Variants in CDC42SE2 observed in about 807,000 individuals in gnomAD.
CDC42SE2 encodes CDC42 small effector protein 2.
A neutral mutation model predicts 11.5 loss-of-function variants in CDC42SE2; 3 were observed. The observed-to-expected ratio is 0.26, with a 90% CI of 0.12 to 0.67. CDC42SE2 has a LOEUF of 0.67. CDC42SE2 is among the 30% of genes least tolerant of loss of function. CDC42SE2 has a pLI of 0.80. For synonymous variants in CDC42SE2, 33 were observed against 34.8 expected (o/e 0.95, Z 0.18); for missense variants, 82 against 106.8 (o/e 0.77, Z 1.02).
At chr5:131,331,760 C>A (rs1401582356) in intron 2 of CDC42SE2, among the ~76,000 whole-genome samples, 6 of 152,134 alleles carry the variant, frequency 3.9e-5, no homozygotes, top group Non-Finnish European at 8.8e-5. Context: ...AGAAATAGTT[C>A]ATGTTCTTTG....
At chr5:131,271,493 T>C (rs1756994498) in intron 1 of CDC42SE2, among the ~76,000 whole-genome samples, 1 of 152,238 alleles carries the variant, frequency 6.6e-6, no homozygotes, top group African/African-American at 2.4e-5. Context: ...ATTTAAAGTA[T>C]ACAGGTGGAT....
chr5:131,262,624 CACG>C (rs1207904086), upstream of CDC42SE2, among the ~76,000 whole-genome samples: 3 of 152,040 alleles, frequency 2.0e-5, no homozygotes, highest in East Asian at 5.8e-4. Flanking sequence ...GCTCTAGGAC[CACG>C]ACCAGTACCA....
intron 4 of CDC42SE2, among the ~76,000 whole-genome samples, chr5:131,387,298 C>T (rs935855553): frequency 5.3e-5 from 8 of 152,118 alleles, no homozygotes; most frequent in Admixed American, 1.3e-4. Flanking sequence ...CCTGTAATCC[C>T]AGTACTTTGG....
the CDC42SE2 span, among the ~76,000 whole-genome samples, chr5:131,232,791 C>G: frequency 6.7e-6 from 1 of 149,118 alleles, no homozygotes; most frequent in Admixed American, 6.7e-5. Context: ...TAAAATAGCT[C>G]AAGTTTAAAA....
intron 1 of CDC42SE2, among the ~76,000 whole-genome samples, chr5:131,306,985 G>C (rs1421209159): frequency 6.6e-6 from 1 of 151,716 alleles, no homozygotes; most frequent in African/African-American, 2.4e-5. Context: ...ACAGTTTTTT[G>C]GTGGAGGCTT....
intron 2 of CDC42SE2, among the ~76,000 whole-genome samples, chr5:131,337,683 C>T (rs1758607559): frequency 1.3e-5 from 2 of 152,224 alleles, no homozygotes; most frequent in Non-Finnish European, 2.9e-5. Context: ...CACCCCTCCC[C>T]CAGCCTCGCT....
chr5:131,271,955 A>T (rs1362549286), intron 1 of CDC42SE2, among the ~76,000 whole-genome samples: 1 of 152,034 alleles, frequency 6.6e-6, no homozygotes, highest in Non-Finnish European at 1.5e-5. Flanking sequence ...CTTTAAATTC[A>T]TGACCACTGA....
intron 2 of CDC42SE2, among the ~76,000 whole-genome samples, chr5:131,344,573 G>T (rs923755678): frequency 6.6e-6 from 1 of 152,214 alleles, no homozygotes; most frequent in Non-Finnish European, 1.5e-5. Context: ...ACCTATGGGG[G>T]CAGGGCATAG....
chr5:131,375,349 A>G (rs1750122572), intron 3 of CDC42SE2, among the ~76,000 whole-genome samples: 1 of 152,220 alleles, frequency 6.6e-6, no homozygotes, highest in Non-Finnish European at 1.5e-5. Flanking sequence ...AAGGACAGAT[A>G]CCGACAGCAC....
At chr5:131,225,308 GC>G in the CDC42SE2 span, among the ~76,000 whole-genome samples, 1 of 152,170 alleles carries the variant, frequency 6.6e-6, no homozygotes, top group Non-Finnish European at 1.5e-5. Flanking sequence ...GGGATTTCAG[GC>G]CTAAATATTA....
At chr5:131,390,106 C>T (rs1750604356) in intron 4 of CDC42SE2, among the ~76,000 whole-genome samples, 2 of 152,178 alleles carry the variant, frequency 1.3e-5, no homozygotes, top group Non-Finnish European at 2.9e-5. Flanking sequence ...ACCATCTTAA[C>T]CCTTTTACAG....
chr5:131,241,626 C>A (rs1005912729), upstream of CDC42SE2, among the ~76,000 whole-genome samples: 2 of 151,964 alleles, frequency 1.3e-5, no homozygotes, highest in Non-Finnish European at 2.9e-5. Flanking sequence ...TTGAGCACAC[C>A]CCCTTTGCCT....
Position 131,387,329 on chromosome 5 carries a change from A to T in CDC42SE2, c.156+1685A>T, listed in dbSNP as rs191325947. On this transcript the variant is annotated intron_variant, in intron 4 of 4. Coordinates refer to ENST00000505065, the MANE Select transcript of CDC42SE2 (RefSeq NM_001375635.1). ...TTTGGGAGGCTGAGGCAGGTGGATC[A>T]TCTGAGCTCAGGATTTCAAGACCAG... 2.6e-4 allele frequency among the ~76,000 whole-genome samples: 40 copies of T among 152,302 alleles called. No individual in the cohort carries two copies. In the East Asian group the frequency reaches 6.8e-3, roughly 26 times the overall value.
At chr5:131,336,705 C>T (rs999986972) in intron 2 of CDC42SE2, among the ~76,000 whole-genome samples, 1 of 152,148 alleles carries the variant, frequency 6.6e-6, no homozygotes, top group Non-Finnish European at 1.5e-5. Context: ...TCTCCTCAAG[C>T]TTCATTTCAT....
intron 3 of CDC42SE2, among the ~76,000 whole-genome samples, chr5:131,360,142 C>T (rs1337882406): frequency 1.3e-5 from 2 of 152,144 alleles, no homozygotes; most frequent in Non-Finnish European, 2.9e-5. Flanking sequence ...TTTATTAAGA[C>T]GGAGTTTCAC....
At chr5:131,310,945 A>G (rs1042320055) in intron 1 of CDC42SE2, among the ~76,000 whole-genome samples, 9 of 151,422 alleles carry the variant, frequency 5.9e-5, no homozygotes, top group Admixed American at 3.3e-4. Flanking sequence ...ATTTACATTT[A>G]AAGTTAATAT....
chr5:131,388,894 G>A (rs1396040040), intron 4 of CDC42SE2, among the ~76,000 whole-genome samples: 1 of 152,130 alleles, frequency 6.6e-6, no homozygotes, highest in East Asian at 1.9e-4. Flanking sequence ...CTGTTGCCCA[G>A]GCTGGAGTGC....
chr5:131,368,385 C>T (rs780309972), intron 3 of CDC42SE2, among the ~76,000 whole-genome samples: 6 of 152,078 alleles, frequency 3.9e-5, no homozygotes, highest in Non-Finnish European at 8.8e-5. Flanking sequence ...TGCCAATACA[C>T]GATGATACAC....
At chr5:131,303,459 A>C (rs1757723416) in intron 1 of CDC42SE2, among the ~76,000 whole-genome samples, 1 of 152,220 alleles carries the variant, frequency 6.6e-6, no homozygotes, top group South Asian at 2.1e-4. Flanking sequence ...TTACTGGAAG[A>C]CCTATGCCTT....
Sources: gnomAD v4.1 joint callset for allele counts (sites outside exome capture counted in the v4.1 genomes callset) on GRCh38, gnomAD v4.1.1 for gene constraint, MANE v1.5 for transcripts, NCBI Gene and HGNC (gene_info 2026-07-23, HGNC 2026-07-21) for gene names.